The following SRPK2 variants were observed in gnomAD, a reference collection of about 807,000 sequenced individuals.
The protein encoded by SRPK2 is SFRS protein kinase 2.
Under a neutral mutation model 90.8 loss-of-function variants are expected in SRPK2, and 21 were observed. The ratio of observed to expected loss-of-function variants is 0.23; its 90% confidence interval spans 0.16 to 0.33. The LOEUF (loss-of-function observed/expected upper bound fraction) is 0.33. SRPK2 is among the 10% of genes least tolerant of loss of function. The pLI is 1.00. For synonymous variants in SRPK2, 288 were observed against 311.1 expected (o/e 0.93, Z 0.78); for missense variants, 620 against 869.0 (o/e 0.71, Z 3.60).
At chr7:105,378,565 C>T (rs185322140) in intron 2 of SRPK2, among the ~76,000 whole-genome samples, 1 of 152,142 alleles carries the variant, frequency 6.6e-6, no homozygotes, top group East Asian at 1.9e-4. Context: ...GAGATCAAGA[C>T]CATCCTGGCC....
chr7:105,140,472 G>A (rs999182150), intron 11 of SRPK2, among the ~76,000 whole-genome samples: 2 of 151,738 alleles, frequency 1.3e-5, no homozygotes, highest in African/African-American at 4.8e-5. Flanking sequence ...ATGGTGACGG[G>A]CGCCTGTAAT....
chr7:105,358,203 A>G (rs1818004559), intron 2 of SRPK2, among the ~76,000 whole-genome samples: 1 of 147,302 alleles, frequency 6.8e-6, no homozygotes. Flanking sequence ...CAGCCTGGGC[A>G]ACAGAGCGAG....
At chr7:105,305,192 C>A (rs1251529827) in intron 2 of SRPK2, among the ~76,000 whole-genome samples, 1 of 152,202 alleles carries the variant, frequency 6.6e-6, no homozygotes, top group Non-Finnish European at 1.5e-5. Context: ...GTAATCCCAG[C>A]ACTTTGGGAG....
Position 105,297,554 on chromosome 7 carries a change from C to T in SRPK2, c.71+91094G>A, listed in dbSNP as rs967016884. ...CACTCCTATAAAAGATAAGGCACAC[C>T]GTTTACCATTTTAGACATACAGAAG... is the stretch of plus-strand genomic sequence containing the variant. On this transcript the variant is annotated intron_variant, in intron 2 of 15. Transcript: ENST00000393651. 7.4e-6 allele frequency: 7 copies of T among 949,662 alleles called. No individual in the cohort carries two copies. In the African/African-American group the frequency reaches 8.8e-5, roughly 12 times the overall value. 58.8% of individuals were successfully genotyped at this position (949,662 alleles called of 1,614,324 possible).
chr7:105,265,117 C>T (rs1804863255), intron 2 of SRPK2, among the ~76,000 whole-genome samples: 1 of 152,146 alleles, frequency 6.6e-6, no homozygotes, highest in Non-Finnish European at 1.5e-5. Flanking sequence ...ACACACACCC[C>T]TTCCCTCTCT....
intron 3 of SRPK2, among the ~76,000 whole-genome samples, chr7:105,202,264 A>C (rs1795660155): frequency 6.6e-6 from 1 of 152,212 alleles, no homozygotes. Flanking sequence ...CCAACATACA[A>C]ATGATCTATA....
intron 2 of SRPK2, among the ~76,000 whole-genome samples, chr7:105,214,560 T>A (rs946577689): frequency 6.6e-6 from 1 of 152,132 alleles, no homozygotes; most frequent in African/African-American, 2.4e-5. Context: ...ATGATAAAAT[T>A]ATGGCACAAC....
chr7:105,282,967 G>C (rs1004343760), intron 2 of SRPK2, among the ~76,000 whole-genome samples: 1 of 149,744 alleles, frequency 6.7e-6, no homozygotes, highest in African/African-American at 2.4e-5. Flanking sequence ...ACAACCCAAT[G>C]ATAAAGTGGG....
intron 2 of SRPK2, among the ~76,000 whole-genome samples, chr7:105,319,951 C>G (rs1272881708): frequency 2.6e-5 from 4 of 151,494 alleles, no homozygotes; most frequent in Admixed American, 6.6e-5. Context: ...CTGCCCGACT[C>G]GCGAATTGTT....
Position 105,315,310 on chromosome 7 carries a change from A to G in SRPK2, c.71+73338T>C, listed in dbSNP as rs138569487. Among the ~76,000 whole-genome samples the G allele has an allele frequency of 5.9e-5, 9 of 152,324 alleles. No individual in the cohort carries two copies. The East Asian group carries it at 1.5e-3, about 26-fold the overall frequency. ...ACACATGCCACTAGCTAAACTGACT[A>G]TAAGAATTTTAATAATACTAACTCT... On this transcript the variant is annotated intron_variant, in intron 2 of 15. Coordinates refer to ENST00000393651, the MANE Select transcript of SRPK2 (RefSeq NM_182692.3).
chr7:105,396,701 G>A (rs1822331902), intron 1 of SRPK2, among the ~76,000 whole-genome samples: 1 of 148,620 alleles, frequency 6.7e-6, no homozygotes, highest in South Asian at 2.2e-4. Context: ...GGAGAAGGAG[G>A]AGGAGGAAGG....
At chr7:105,352,392 A>C (rs1817299467) in intron 2 of SRPK2, among the ~76,000 whole-genome samples, 1 of 152,204 alleles carries the variant, frequency 6.6e-6, no homozygotes, top group South Asian at 2.1e-4. Context: ...AGAACATTCA[A>C]GAAGAGGTCC....
upstream of SRPK2, among the ~76,000 whole-genome samples, chr7:105,390,236 A>G (rs1044681520): frequency 6.6e-6 from 1 of 152,120 alleles, no homozygotes; most frequent in South Asian, 2.1e-4. Context: ...TACTAATACA[A>G]TGTAATCATC....
rs567379635 is a variant in SRPK2, at chr7:105,292,289, T to C, written c.72-88504A>G. ...TTGGGAGGCCGAGGCGGGCCAATCA[T>C]CTGAGGTCAGGAGTTCGAGACCAGC... is the stretch of plus-strand genomic sequence containing the variant. On this transcript the variant is annotated intron_variant, in intron 2 of 15. Coordinates refer to ENST00000393651, the MANE Select transcript of SRPK2 (RefSeq NM_182692.3). Among the ~76,000 whole-genome samples, 22 of 152,030 alleles carry C rather than the reference T, an allele frequency of 1.4e-4. No homozygotes were observed. The East Asian group carries it at 2.9e-3, about 20-fold the overall frequency.
intron 2 of SRPK2, among the ~76,000 whole-genome samples, chr7:105,288,093 G>A (rs1585546589): frequency 6.6e-6 from 1 of 151,882 alleles, no homozygotes; most frequent in Admixed American, 6.6e-5. Flanking sequence ...TATATTAAAG[G>A]AAAAAAATAA....
intron 7 of SRPK2, among the ~76,000 whole-genome samples, chr7:105,149,250 G>A (rs899579916): frequency 7.9e-5 from 12 of 152,230 alleles, no homozygotes; most frequent in African/African-American, 2.7e-4. Context: ...GCCCTATGGT[G>A]GGAGGTGAGA....
chr7:105,273,308 C>G (rs565110359), intron 2 of SRPK2, among the ~76,000 whole-genome samples: 1 of 152,210 alleles, frequency 6.6e-6, no homozygotes, highest in East Asian at 1.9e-4. Flanking sequence ...CTACGTGGCT[C>G]CCCAAGCATG....
chr7:105,388,006 G>C (rs1821830195), intron 2 of SRPK2, among the ~76,000 whole-genome samples: 1 of 152,110 alleles, frequency 6.6e-6, no homozygotes, highest in South Asian at 2.1e-4. Context: ...CCCAAGTCAC[G>C]CTCAACCCGA....
chr7:105,203,228 G>C (rs765702565), intron 3 of SRPK2, among the ~76,000 whole-genome samples: 1 of 152,058 alleles, frequency 6.6e-6, no homozygotes, highest in African/African-American at 2.4e-5. Context: ...GAACTCAAGC[G>C]ATCTGCCCAC....
Sources: gnomAD v4.1 joint callset for allele counts (sites outside exome capture counted in the v4.1 genomes callset) on GRCh38, gnomAD v4.1.1 for gene constraint, MANE v1.5 for transcripts, NCBI Gene and HGNC (gene_info 2026-07-23, HGNC 2026-07-21) for gene names.